The following RORB variants were observed in gnomAD, a reference collection of about 807,000 sequenced individuals.
The protein encoded by RORB is nuclear receptor ROR-beta.
RORB carries 6 observed loss-of-function variants against 59.1 expected under a neutral mutation model. That is an observed-to-expected ratio of 0.10 (90% CI 0.06 to 0.20). The LOEUF (loss-of-function observed/expected upper bound fraction) is 0.20. Among genes scored for constraint, RORB ranks in the 10% least tolerant of loss-of-function variants. The pLI, the probability that RORB is intolerant of heterozygous loss-of-function variation, is 1.00. For missense variants in RORB, 320 were observed against 560.5 expected, an observed-to-expected ratio of 0.57 and a Z score of 4.33; for synonymous variants, 215 against 204.5, an observed-to-expected ratio of 1.05 and a Z score of -0.44.
At chr9:74,639,679 G>C (rs1004423960) in intron 3 of RORB, among the ~76,000 whole-genome samples, 8 of 152,130 alleles carry the variant, frequency 5.3e-5, no homozygotes, top group Admixed American at 4.6e-4. Flanking sequence ...TATAGCAATG[G>C]ATACAAACCT....
intron 1 of RORB, among the ~76,000 whole-genome samples, chr9:74,525,618 T>A (rs566185506): frequency 1.3e-5 from 2 of 152,064 alleles, no homozygotes; most frequent in South Asian, 2.1e-4. Flanking sequence ...TTTCACTCTA[T>A]GAACAGCAAG....
At chr9:74,596,437 T>C (rs906135537) in intron 1 of RORB, among the ~76,000 whole-genome samples, 56 of 152,148 alleles carry the variant, frequency 3.7e-4, no homozygotes, top group African/African-American at 1.3e-3. Context: ...AAATACAAAA[T>C]ATGATTATTG....
intron 1 of RORB, among the ~76,000 whole-genome samples, chr9:74,515,117 T>C (rs1825990004): frequency 1.3e-5 from 2 of 149,500 alleles, no homozygotes; most frequent in Admixed American, 6.8e-5. Flanking sequence ...TACATAGTTG[T>C]TGAAAAAGAT....
intron 1 of RORB, among the ~76,000 whole-genome samples, chr9:74,571,158 A>G (rs1006411283): frequency 7.9e-5 from 12 of 152,208 alleles, no homozygotes; most frequent in African/African-American, 2.9e-4. Context: ...GAGTCAGAGC[A>G]TTTCCTAAAA....
chr9:74,619,752 G>A (rs1823378084), intron 1 of RORB, among the ~76,000 whole-genome samples: 1 of 152,086 alleles, frequency 6.6e-6, no homozygotes, highest in African/African-American at 2.4e-5. Context: ...TAGCATGAAG[G>A]GCTGTTGAAT....
At chr9:74,557,446 G>A (rs1822323268) in intron 1 of RORB, among the ~76,000 whole-genome samples, 1 of 152,016 alleles carries the variant, frequency 6.6e-6, no homozygotes, top group African/African-American at 2.4e-5. Flanking sequence ...AACCTTAATG[G>A]TATTGAACCT....
chr9:74,597,023 T>C (rs1254468116), intron 1 of RORB, among the ~76,000 whole-genome samples: 6 of 152,172 alleles, frequency 3.9e-5, no homozygotes, highest in Non-Finnish European at 7.3e-5. Flanking sequence ...AAAATAAGAC[T>C]TTTTTAGACC....
At chr9:74,677,585 T>A (rs1268737954) in intron 9 of RORB, among the ~76,000 whole-genome samples, 1 of 152,198 alleles carries the variant, frequency 6.6e-6, no homozygotes, top group Non-Finnish European at 1.5e-5. Context: ...ACATGGCTGA[T>A]CTAGAATCTC....
chr9:74,584,547 A>G (rs532509991), intron 1 of RORB, among the ~76,000 whole-genome samples: 6 of 152,316 alleles, frequency 3.9e-5, no homozygotes, highest in African/African-American at 1.4e-4. Flanking sequence ...TTGGTTCTAA[A>G]GAGCAGTCTG....
intron 1 of RORB, among the ~76,000 whole-genome samples, chr9:74,584,958 T>C (rs1465970452): frequency 6.6e-6 from 1 of 152,120 alleles, no homozygotes; most frequent in Non-Finnish European, 1.5e-5. Flanking sequence ...TGCTATGGAA[T>C]GTGTTGAAAG....
intron 1 of RORB, among the ~76,000 whole-genome samples, chr9:74,501,675 T>C (rs1195517722): frequency 6.6e-6 from 1 of 152,216 alleles, no homozygotes; most frequent in Non-Finnish European, 1.5e-5. Flanking sequence ...CTTAAATGGT[T>C]ACATCTAGCG....
Position 74,642,712 on chromosome 9 carries a change from A to T in RORB, c.534A>T (p.Ile178=). The T allele has an allele frequency of 6.2e-7, 1 of 1,614,204 alleles. No individual in the cohort carries two copies. Among genetic ancestry groups the T allele is most frequent in the Non-Finnish European group, 8.5e-7 (1 of 1,180,026 alleles). The part of the protein sequence containing the change: ...SGLDMTGIKQ[I]KQEPIYDLTS... ...TTGACATGACTGGAATCAAACAGATAAAGCAAGAACCTATCTATGACCTCA... is the reference window on the plus strand; with the variant it reads ...TTGACATGACTGGAATCAAACAGATTAAGCAAGAACCTATCTATGACCTCA... Residue 178 remains isoleucine, a synonymous_variant, in exon 4 of 10, where the codon ATA becomes ATT. Transcript: ENST00000376896.
At chr9:74,595,791 G>A (rs892417555) in intron 1 of RORB, among the ~76,000 whole-genome samples, 6 of 152,174 alleles carry the variant, frequency 3.9e-5, no homozygotes, top group Non-Finnish European at 7.3e-5. Flanking sequence ...AGAGTAGGTG[G>A]GTGAGGATCA....
At chr9:74,665,410 T>C in intron 6 of RORB, 78 bp from the exon 7 acceptor site, 1 of 771,186 alleles carries the variant, frequency 1.3e-6, no homozygotes, top group Non-Finnish European at 2.0e-6. Context: ...CTCTTACCTA[T>C]ATGCAGTAAT....
At chr9:74,564,720 T>C (rs1822444759) in intron 1 of RORB, among the ~76,000 whole-genome samples, 1 of 152,304 alleles carries the variant, frequency 6.6e-6, no homozygotes, top group East Asian at 1.9e-4. Flanking sequence ...TTTTAAAAAA[T>C]ATAGCATTCA....
intron 1 of RORB, among the ~76,000 whole-genome samples, chr9:74,570,023 T>C (rs1822527810): frequency 1.3e-5 from 2 of 152,102 alleles, no homozygotes; most frequent in Non-Finnish European, 2.9e-5. Context: ...AAAACTTCAG[T>C]TGATATTTTT....
chr9:74,502,443 A>T (rs1428698019), intron 1 of RORB, among the ~76,000 whole-genome samples: 11 of 152,080 alleles, frequency 7.2e-5, no homozygotes, highest in Admixed American at 2.6e-4. Context: ...ATAAACCTGT[A>T]TTCACCTTTT....
chr9:74,653,601 CTA>C (rs1356585969), intron 4 of RORB, among the ~76,000 whole-genome samples: 1 of 152,132 alleles, frequency 6.6e-6, no homozygotes, highest in Admixed American at 6.5e-5. Context: ...CCCTCTAGCG[CTA>C]TATATAGCTC....
At chr9:74,546,782 T>C (rs561399429) in intron 1 of RORB, among the ~76,000 whole-genome samples, 4 of 152,340 alleles carry the variant, frequency 2.6e-5, no homozygotes. Flanking sequence ...AGAGCCTAAT[T>C]ATCTCTTGTG....
Sources: allele counts gnomAD v4.1 joint callset (sites outside exome capture counted in the v4.1 genomes callset), GRCh38; gene constraint gnomAD v4.1.1; transcripts MANE v1.5; gene names NCBI Gene and HGNC (gene_info 2026-07-23, HGNC 2026-07-21).